The following CYYR1 variants were observed in gnomAD, a reference collection of about 807,000 sequenced individuals.
The protein encoded by CYYR1 is cysteine and tyrosine rich 1.
CYYR1 carries 14 observed loss-of-function variants against 15.2 expected under a neutral mutation model. The ratio of observed to expected loss-of-function variants is 0.92; its 90% CI spans 0.61 to 1.44. The LOEUF (loss-of-function observed/expected upper bound fraction) is 1.44, where lower values mean the gene tolerates loss of function less well. Among genes scored for constraint, CYYR1 ranks in the 40% most tolerant of loss-of-function variants. The pLI, the probability that CYYR1 is intolerant of heterozygous loss-of-function variation, is 0.00. For synonymous variants in CYYR1, 80 were observed against 77.4 expected, an observed-to-expected ratio of 1.03 and a Z score of -0.18; for missense variants, 228 against 209.5, an observed-to-expected ratio of 1.09 and a Z score of -0.54.
rs145514916 is a variant in CYYR1 at position 26,514,913 on chromosome 21, G to A, written c.177-34484C>T. ...CCAATTCCTTCACATGTTTCCCACC[G>A]CTATATCATACTTCTTCAATAAATA... On this transcript the variant is annotated intron_variant, in intron 2 of 3. Coordinates refer to ENST00000652641, the MANE Select transcript of CYYR1 (RefSeq NM_001320768.2). Among the ~76,000 whole-genome samples the A allele has an allele frequency of 2.5e-3, 384 of 152,264 alleles. 4 individuals are homozygous for A. The highest frequency in any genetic ancestry group is 3.7e-4 in the Non-Finnish European group (25 of 67,996).
intron 2 of CYYR1, among the ~76,000 whole-genome samples, chr21:26,540,383 C>T (rs952830): frequency 0.64 from 97,583 of 151,976 alleles, 31,557 homozygotes; most frequent in East Asian, 0.85. Flanking sequence ...AGCTAAATCC[C>T]GAACAGAAAC....
chr21:26,468,522 A>G lies in CYYR1; in HGVS notation c.447T>C (p.Tyr149=), dbSNP rs1464302033. The G allele has an allele frequency of 6.3e-7, 1 of 1,598,132 alleles. No individual in the cohort carries two copies. Among genetic ancestry groups the G allele is most frequent in the Non-Finnish European group, 8.6e-7 (1 of 1,165,698 alleles). ...GPAQRSPPPP[Y]PGNARK ...TAGATTATTTCCTTGCGTTTCCAGG[A>G]TAAGGAGGGGGTGGAGAACGCTGTG... is the stretch of plus-strand genomic sequence containing the variant. Residue 149 remains tyrosine, a synonymous_variant, in exon 4 of 4, where the codon TAT becomes TAC. Transcript: ENST00000652641.
intron 2 of CYYR1, among the ~76,000 whole-genome samples, chr21:26,552,358 A>G (rs2123687962): frequency 6.6e-6 from 1 of 152,248 alleles, no homozygotes; most frequent in East Asian, 1.9e-4. Flanking sequence ...ATCTTTTTCC[A>G]TCCTTTTACT....
At chr21:26,513,207 C>T (rs2065674449) in intron 2 of CYYR1, among the ~76,000 whole-genome samples, 1 of 152,164 alleles carries the variant, frequency 6.6e-6, no homozygotes, top group Non-Finnish European at 1.5e-5. Context: ...TTTGTACTTC[C>T]CTAACACACT....
intron 2 of CYYR1, among the ~76,000 whole-genome samples, chr21:26,509,446 T>C (rs1049560206): frequency 2.0e-5 from 3 of 152,204 alleles, no homozygotes; most frequent in African/African-American, 7.2e-5. Flanking sequence ...GTTTTTGTAC[T>C]TCCTTTAACA....
At chr21:26,511,305 A>G (rs2065644769) in intron 2 of CYYR1, among the ~76,000 whole-genome samples, 1 of 152,240 alleles carries the variant, frequency 6.6e-6, no homozygotes, top group South Asian at 2.1e-4. Flanking sequence ...AGACTAAACT[A>G]TTAAAGATGA....
chr21:26,535,431 G>T (rs569908196), intron 2 of CYYR1, among the ~76,000 whole-genome samples: 2 of 152,196 alleles, frequency 1.3e-5, no homozygotes, highest in South Asian at 4.1e-4. Flanking sequence ...GAGAGGGAAA[G>T]TTATAAAAGA....
intron 2 of CYYR1, chr21:26,503,453 AAATT>A (rs1285567831): frequency 6.6e-6 from 1 of 152,232 alleles, no homozygotes; most frequent in Non-Finnish European, 1.5e-5. Flanking sequence ...CATATTTAAT[AAATT>A]AATTATAGAG....
rs189714806 is a variant in CYYR1, at chr21:26,519,643, C to G, written c.177-39214G>C. Reference sequence around the variant, plus strand: ...GAGCAGAGCAGTGGCATAATCCTATCTCAGGTTTTTGAAAGAAATAACCCT... The same window carrying G: ...GAGCAGAGCAGTGGCATAATCCTATGTCAGGTTTTTGAAAGAAATAACCCT... On this transcript the variant is annotated intron_variant, in intron 2 of 3. Coordinates refer to ENST00000652641, the MANE Select transcript of CYYR1 (RefSeq NM_001320768.2). Among the ~76,000 whole-genome samples, 126 of 152,314 alleles carry G rather than the reference C, an allele frequency of 8.3e-4. 1 individual carries two copies. The highest frequency in any genetic ancestry group is 1.4e-3 in the Non-Finnish European group (96 of 68,036).
intron 2 of CYYR1, among the ~76,000 whole-genome samples, chr21:26,564,217 C>A (rs1569179997): frequency 6.6e-6 from 1 of 151,616 alleles, no homozygotes. Context: ...GTTAAGAATT[C>A]TTTTCAAATG....
intron 2 of CYYR1, chr21:26,564,573 A>C: frequency 1.5e-6 from 1 of 671,656 alleles, no homozygotes; most frequent in African/African-American, 2.0e-5. Flanking sequence ...CTTCACTGCA[A>C]ATGTAAATCA....
chr21:26,563,144 A>G (rs1166722400), intron 2 of CYYR1, among the ~76,000 whole-genome samples: 16 of 152,192 alleles, frequency 1.1e-4, no homozygotes, highest in Non-Finnish European at 1.5e-4. Context: ...TAGACAGGCC[A>G]TCTTTTAAGT....
chr21:26,525,657 T>A (rs2065854982), intron 2 of CYYR1, among the ~76,000 whole-genome samples: 1 of 152,340 alleles, frequency 6.6e-6, no homozygotes, highest in Admixed American at 6.5e-5. Flanking sequence ...TGGCACTATG[T>A]TAAATGGAAG....
chr21:26,468,748 A>T, intron 3 of CYYR1, 114 bp from the exon 4 acceptor site: 1 of 786,144 alleles, frequency 1.3e-6, no homozygotes, highest in Non-Finnish European at 2.0e-6. Context: ...GGCTGCAAAA[A>T]TCTTAGTTTT....
At chr21:26,545,966 T>C (rs748942790) in intron 2 of CYYR1, among the ~76,000 whole-genome samples, 1 of 152,174 alleles carries the variant, frequency 6.6e-6, no homozygotes, top group Non-Finnish European at 1.5e-5. Flanking sequence ...AGGTGAGACA[T>C]GGACCTGGCT....
intron 2 of CYYR1, among the ~76,000 whole-genome samples, chr21:26,534,104 G>A (rs911294824): frequency 2.0e-5 from 3 of 151,992 alleles, no homozygotes; most frequent in African/African-American, 4.8e-5. Context: ...TAATGGCCTC[G>A]CAAAAATATT....
chr21:26,475,463 T>C (rs533572010), intron 3 of CYYR1, among the ~76,000 whole-genome samples: 1 of 152,282 alleles, frequency 6.6e-6, no homozygotes, highest in African/African-American at 2.4e-5. Flanking sequence ...GTGTACCAAA[T>C]TCCTTTCTTC....
chr21:26,535,020 T>C (rs1251012565), intron 2 of CYYR1, among the ~76,000 whole-genome samples: 1 of 152,218 alleles, frequency 6.6e-6, no homozygotes, highest in African/African-American at 2.4e-5. Context: ...ATTTATTTAC[T>C]TAACTTATTC....
At chr21:26,514,165 T>C (rs2065689157) in intron 2 of CYYR1, among the ~76,000 whole-genome samples, 1 of 152,096 alleles carries the variant, frequency 6.6e-6, no homozygotes, top group Non-Finnish European at 1.5e-5. Context: ...GAAATTACTC[T>C]TGCTTATGTT....
Sources: gnomAD v4.1 joint callset for allele counts (sites outside exome capture counted in the v4.1 genomes callset) on GRCh38, gnomAD v4.1.1 for gene constraint, MANE v1.5 for transcripts, NCBI Gene and HGNC (gene_info 2026-07-23, HGNC 2026-07-21) for gene names.